SCRG1: variants seen among roughly 807,000 people sequenced by gnomAD.
The protein encoded by SCRG1 is stimulator of chondrogenesis 1.
SCRG1 carries 3 observed loss-of-function variants against 7.7 expected under a neutral mutation model. The observed-to-expected ratio is 0.39, with a 90% CI of 0.18 to 1.01. The LOEUF (loss-of-function observed/expected upper bound fraction) is 1.01, where lower values mean the gene tolerates loss of function less well. Ranked by LOEUF, SCRG1 falls within the 50% of genes least tolerant of loss-of-function variation. The pLI, the probability that SCRG1 is intolerant of heterozygous loss-of-function variation, is 0.36. For synonymous variants in SCRG1, 46 were observed against 41.2 expected (o/e 1.12, Z -0.44); for missense variants, 110 against 117.2 (o/e 0.94, Z 0.28).
At chr4:173,501,893 C>A in the SCRG1 span, among the ~76,000 whole-genome samples, 6 of 152,204 alleles carry the variant, frequency 3.9e-5, no homozygotes, top group Non-Finnish European at 5.9e-5. The surrounding 1 kb of genome is among the most constrained non-coding windows in gnomAD (Gnocchi z 5.1). Flanking sequence ...TCCTTCGGAG[C>A]ATCCCTTCTA....
At chr4:173,479,977 AT>A in the SCRG1 span, among the ~76,000 whole-genome samples, 6 of 151,764 alleles carry the variant, frequency 4.0e-5, no homozygotes, top group African/African-American at 2.4e-5. Context: ...TTTATTAAAA[AT>A]TTTTTTTGTG....
At chr4:173,489,702 AT>A in the SCRG1 span, among the ~76,000 whole-genome samples, 33 of 152,336 alleles carry the variant, frequency 2.2e-4, no homozygotes, top group South Asian at 6.8e-3. Context: ...TTAATTTTAA[AT>A]GTCAAACTAG....
At chr4:173,473,899 G>T in the SCRG1 span, among the ~76,000 whole-genome samples, 1 of 152,220 alleles carries the variant, frequency 6.6e-6, no homozygotes, top group African/African-American at 2.4e-5. Flanking sequence ...GACTTCCTGG[G>T]CCGGACATGG....
chr4:173,395,847 A>G (rs1739588147), intron 1 of SCRG1, among the ~76,000 whole-genome samples: 1 of 152,248 alleles, frequency 6.6e-6, no homozygotes, highest in Non-Finnish European at 1.5e-5. Context: ...TATTATGTGA[A>G]TTTACCTACA....
the SCRG1 span, among the ~76,000 whole-genome samples, chr4:173,484,094 CATATATA>C: frequency 4.7e-5 from 2 of 42,794 alleles, no homozygotes; most frequent in African/African-American, 1.8e-4. Flanking sequence ...TATAATATAC[CATATATA>C]ATATATAATA....
the SCRG1 span, among the ~76,000 whole-genome samples, chr4:173,480,346 TG>T: frequency 6.6e-6 from 1 of 151,960 alleles, no homozygotes; most frequent in Non-Finnish European, 1.5e-5. Flanking sequence ...AGACCAGGAC[TG>T]GTTTTTTTTG....
chr4:173,502,573 T>G, the SCRG1 span, among the ~76,000 whole-genome samples: 3 of 152,194 alleles, frequency 2.0e-5, no homozygotes, highest in Non-Finnish European at 2.9e-5. The surrounding 1 kb of genome is among the most constrained non-coding windows in gnomAD (Gnocchi z 4.6). Context: ...CCCACTTGAA[T>G]GGTGGCCTAA....
intron 1 of SCRG1, among the ~76,000 whole-genome samples, chr4:173,392,391 T>C (rs929288846): frequency 1.3e-5 from 2 of 152,198 alleles, no homozygotes; most frequent in African/African-American, 2.4e-5. Flanking sequence ...CCTACCATGA[T>C]GGGGAACTCA....
intron 1 of SCRG1, among the ~76,000 whole-genome samples, chr4:173,395,150 T>C (rs535304896): frequency 6.6e-6 from 1 of 152,238 alleles, no homozygotes; most frequent in African/African-American, 2.4e-5. Flanking sequence ...ACTTTGTTCT[T>C]TCATAGCGCC....
chr4:173,478,784 A>C, the SCRG1 span, among the ~76,000 whole-genome samples: 1 of 152,232 alleles, frequency 6.6e-6, no homozygotes, highest in African/African-American at 2.4e-5. Flanking sequence ...TGACGAAAGG[A>C]AAATGAATCA....
At chr4:173,508,121 C>G in the SCRG1 span, among the ~76,000 whole-genome samples, 1 of 152,348 alleles carries the variant, frequency 6.6e-6, no homozygotes, top group East Asian at 1.9e-4. The surrounding 1 kb of genome is among the most constrained non-coding windows in gnomAD (Gnocchi z 4.4). Flanking sequence ...TCGGCTCCCT[C>G]TTCCTGGCTG....
At chr4:173,440,245 G>T in the SCRG1 span, among the ~76,000 whole-genome samples, 1 of 152,088 alleles carries the variant, frequency 6.6e-6, no homozygotes. Flanking sequence ...GGATTGAAAG[G>T]TTTTTCATTT....
upstream of SCRG1, chr4:173,403,197 T>C (rs1230306036): frequency 6.6e-6 from 1 of 152,152 alleles, no homozygotes; most frequent in African/African-American, 2.4e-5. Context: ...AGTAAGGCCC[T>C]TGAAGAGACA....
At chr4:173,459,428 G>A in the SCRG1 span, among the ~76,000 whole-genome samples, 9 of 152,122 alleles carry the variant, frequency 5.9e-5, no homozygotes, top group African/African-American at 2.2e-4. Context: ...TGAGCACAAT[G>A]GAATAAAACT....
the SCRG1 span, among the ~76,000 whole-genome samples, chr4:173,513,501 T>G: frequency 6.6e-6 from 1 of 152,230 alleles, no homozygotes. Flanking sequence ...TAAGAGGATG[T>G]ATGTGAAGGG....
chr4:173,413,417 A>C, the SCRG1 span, among the ~76,000 whole-genome samples: 2 of 152,236 alleles, frequency 1.3e-5, no homozygotes, highest in Non-Finnish European at 2.9e-5. Context: ...ATTGGTGCTG[A>C]ACAAGTCTAC....
the SCRG1 span, among the ~76,000 whole-genome samples, chr4:173,412,298 C>T: frequency 1.8e-4 from 27 of 152,294 alleles, no homozygotes; most frequent in African/African-American, 6.3e-4. Flanking sequence ...GCCATGGCCC[C>T]GTCTCTTCTG....
At chr4:173,437,754 A>G in the SCRG1 span, among the ~76,000 whole-genome samples, 4 of 152,378 alleles carry the variant, frequency 2.6e-5, no homozygotes, top group East Asian at 7.7e-4. Context: ...TATATTAAAG[A>G]TAAACAATTT....
the SCRG1 span, among the ~76,000 whole-genome samples, chr4:173,482,815 C>T: frequency 6.7e-6 from 1 of 148,384 alleles, no homozygotes; most frequent in African/African-American, 2.5e-5. Context: ...GAGACCCTGT[C>T]TCACACACAC....
Sources: allele counts gnomAD v4.1 joint callset (sites outside exome capture counted in the v4.1 genomes callset), GRCh38; gene constraint gnomAD v4.1.1; non-coding constraint Gnocchi (gnomAD v3.1); transcripts MANE v1.5; gene names NCBI Gene and HGNC (gene_info 2026-07-23, HGNC 2026-07-21).